The following LINGO2 variants were observed in gnomAD, a reference collection of about 807,000 sequenced individuals.
LINGO2 encodes leucine rich repeat and Ig domain containing 2.
Under a neutral mutation model 30.6 loss-of-function variants are expected in LINGO2, and 14 were observed. The ratio of observed to expected loss-of-function variants is 0.46; its 90% confidence interval spans 0.30 to 0.72. LINGO2 has a LOEUF of 0.72. Ranked by LOEUF, LINGO2 falls within the 30% of genes least tolerant of loss-of-function variation. The pLI, the probability that LINGO2 is intolerant of heterozygous loss-of-function variation, is 0.07. For synonymous variants in LINGO2, 317 were observed against 288.5 expected (o/e 1.10, Z -1.00); for missense variants, 729 against 751.7 (o/e 0.97, Z 0.35).
At chr9:28,272,636 T>G (rs527620023) in intron 4 of LINGO2, among the ~76,000 whole-genome samples, 1 of 152,242 alleles carries the variant, frequency 6.6e-6, no homozygotes, top group Non-Finnish European at 1.5e-5. Flanking sequence ...CCTTTCTTCC[T>G]TTTTTAATTC....
chr9:28,454,260 A>G (rs1564209055), intron 2 of LINGO2, among the ~76,000 whole-genome samples: 1 of 152,016 alleles, frequency 6.6e-6, no homozygotes, highest in Non-Finnish European at 1.5e-5. Flanking sequence ...CATTGCTTAT[A>G]TTTGTCTTCC....
chr9:27,986,900 TA>T (rs1821150447), intron 5 of LINGO2, among the ~76,000 whole-genome samples: 1 of 151,788 alleles, frequency 6.6e-6, no homozygotes, highest in South Asian at 2.1e-4. Flanking sequence ...AGGAAGAGCA[TA>T]AAAGAGGGCT....
chr9:28,586,816 C>A (rs1824564168), intron 1 of LINGO2, among the ~76,000 whole-genome samples: 1 of 151,956 alleles, frequency 6.6e-6, no homozygotes. Flanking sequence ...TGCCCTAGTC[C>A]TAGACCCCTT....
intron 2 of LINGO2, among the ~76,000 whole-genome samples, chr9:28,418,538 A>G (rs1257793415): frequency 2.6e-5 from 4 of 151,880 alleles, no homozygotes; most frequent in Non-Finnish European, 5.9e-5. Flanking sequence ...GTGCCTCCCA[A>G]AGTTTTGGGA....
chr9:28,096,638 C>A (rs1826250371), intron 4 of LINGO2, among the ~76,000 whole-genome samples: 2 of 152,158 alleles, frequency 1.3e-5, no homozygotes, highest in South Asian at 4.1e-4. Flanking sequence ...TACCTACCTA[C>A]TCAGTGCTGA....
the LINGO2 span, among the ~76,000 whole-genome samples, chr9:28,854,505 G>A: frequency 1.3e-5 from 2 of 151,906 alleles, no homozygotes; most frequent in East Asian, 3.9e-4. Context: ...GAAAATCACT[G>A]ATTGATAAAT....
chr9:29,202,255 G>T, the LINGO2 span, among the ~76,000 whole-genome samples: 14 of 151,994 alleles, frequency 9.2e-5, 1 homozygote, highest in South Asian at 2.9e-3. Flanking sequence ...ATTTTGGAAT[G>T]ATTTATTGAG....
intron 1 of LINGO2, among the ~76,000 whole-genome samples, chr9:28,514,515 T>C (rs963018035): frequency 5.3e-5 from 8 of 152,234 alleles, no homozygotes; most frequent in Non-Finnish European, 1.0e-4. Context: ...TTTAGTCATC[T>C]GGATAGATCA....
intron 4 of LINGO2, among the ~76,000 whole-genome samples, chr9:28,121,537 A>G (rs1360829520): frequency 1.3e-5 from 2 of 152,132 alleles, no homozygotes; most frequent in East Asian, 3.9e-4. Flanking sequence ...AAACAAAGGG[A>G]CATAGTCCTT....
intron 4 of LINGO2, among the ~76,000 whole-genome samples, chr9:28,103,107 T>A (rs145240641): frequency 6.6e-6 from 1 of 152,168 alleles, no homozygotes; most frequent in Non-Finnish European, 1.5e-5. Context: ...TTAGCCTGGA[T>A]TCTAGAAGAC....
chr9:28,299,567 A>G (rs1824058218), intron 3 of LINGO2, among the ~76,000 whole-genome samples: 1 of 152,064 alleles, frequency 6.6e-6, no homozygotes, highest in African/African-American at 2.4e-5. Context: ...TTTTATATGT[A>G]GTTTCTTTTT....
At chr9:28,685,481 C>T in the LINGO2 span, among the ~76,000 whole-genome samples, 3 of 152,126 alleles carry the variant, frequency 2.0e-5, no homozygotes, top group East Asian at 1.9e-4. Context: ...AATAACATTT[C>T]GTACAATTAC....
the LINGO2 span, among the ~76,000 whole-genome samples, chr9:28,882,031 A>G: frequency 6.6e-6 from 1 of 152,220 alleles, no homozygotes; most frequent in Non-Finnish European, 1.5e-5. Flanking sequence ...TGAAGCACAC[A>G]GCGGACCACT....
chr9:28,342,062 GT>G (rs748934873), intron 3 of LINGO2, among the ~76,000 whole-genome samples: 1 of 152,228 alleles, frequency 6.6e-6, no homozygotes, highest in Non-Finnish European at 1.5e-5. Context: ...TATGGGGAAA[GT>G]TCTCCTTCTT....
chr9:28,575,927 TACACACACAC>T (rs3065641), intron 1 of LINGO2, among the ~76,000 whole-genome samples: 2 of 149,422 alleles, frequency 1.3e-5, no homozygotes, highest in Non-Finnish European at 3.0e-5. Context: ...AGCCTTGAAA[TACACACACAC>T]ACACACACAC....
At chr9:28,058,517 TACAC>T (rs1825033338) in intron 4 of LINGO2, among the ~76,000 whole-genome samples, 2 of 152,190 alleles carry the variant, frequency 1.3e-5, no homozygotes, top group African/African-American at 4.8e-5. Flanking sequence ...TTACTGGACT[TACAC>T]TAAATAAATG....
chr9:28,641,729 C>G (rs1344827765), intron 1 of LINGO2, among the ~76,000 whole-genome samples: 1 of 152,212 alleles, frequency 6.6e-6, no homozygotes, highest in African/African-American at 2.4e-5. Context: ...TTTACACAGT[C>G]AAAATCAGGG....
intron 4 of LINGO2, among the ~76,000 whole-genome samples, chr9:28,275,333 A>G (rs1823080271): frequency 6.6e-6 from 1 of 152,012 alleles, no homozygotes; most frequent in Non-Finnish European, 1.5e-5. Context: ...TTGGCCTCCC[A>G]AAGTGCTGGG....
At chr9:28,231,908 A>T (rs79394143) in intron 4 of LINGO2, among the ~76,000 whole-genome samples, 4,776 of 151,976 alleles carry the variant, frequency 0.031, 229 homozygotes, top group African/African-American at 0.1. Context: ...ATATATATAT[A>T]TTTTTTCTGC....
Sources: allele counts gnomAD v4.1 joint callset (sites outside exome capture counted in the v4.1 genomes callset), GRCh38; gene constraint gnomAD v4.1.1; transcripts MANE v1.5; gene names NCBI Gene and HGNC (gene_info 2026-07-23, HGNC 2026-07-21).